The following SRSF4 variants were observed in gnomAD, a reference collection of about 807,000 sequenced individuals.
The protein encoded by SRSF4 is serine/arginine-rich splicing factor 4.
In SRSF4, 12 loss-of-function variants were observed where a neutral mutation model predicts 48.8. The observed-to-expected ratio is 0.25, with a 90% CI of 0.16 to 0.40. SRSF4 has a LOEUF of 0.40. Among genes scored for constraint, SRSF4 ranks in the 10% least tolerant of loss-of-function variants. The pLI is 1.00. For missense variants in SRSF4, 466 were observed against 667.1 expected (o/e 0.70, Z 3.32); for synonymous variants, 248 against 232.5 (o/e 1.07, Z -0.61).
chr1:29,168,056 C>T (rs900763544), intron 1 of SRSF4, among the ~76,000 whole-genome samples: 5 of 150,228 alleles, frequency 3.3e-5, no homozygotes, highest in African/African-American at 1.2e-4. Flanking sequence ...CGCTCTGTCG[C>T]GCAGGCTGCA....
At chr1:29,161,345 T>C (rs1672591806) in intron 1 of SRSF4, among the ~76,000 whole-genome samples, 1 of 152,236 alleles carries the variant, frequency 6.6e-6, no homozygotes, top group Non-Finnish European at 1.5e-5. Context: ...TTTAGTTTGG[T>C]CTGACACAGC....
intron 3 of SRSF4, among the ~76,000 whole-genome samples, chr1:29,156,960 T>C (rs1672510066): frequency 6.6e-6 from 1 of 152,180 alleles, no homozygotes; most frequent in African/African-American, 2.4e-5. Context: ...CAGGCAGTGC[T>C]GAAAGGAAGG....
rs963641541 is a variant in SRSF4, at chr1:29,181,675, C to G, written c.78G>C (p.Gly26=). ...RDVERFFKGY[G]KILEVDLKNG... is the part of the protein sequence containing the mutation. Reference sequence around the variant, plus strand: ...TCTTCAGATCCACCTCCAGGATCTTCCCGTAGCCCTTAAAGAAGCGCTCCA... The same window carrying G: ...TCTTCAGATCCACCTCCAGGATCTTGCCGTAGCCCTTAAAGAAGCGCTCCA... The change falls in exon 1 of 6, where the codon GGG becomes GGC. Residue 26 remains glycine, a synonymous_variant. Transcript: ENST00000373795. 5.0e-6 allele frequency: 8 copies of G among 1,597,384 alleles called. No homozygotes were observed. In the East Asian group the frequency reaches 7.1e-5, roughly 14 times the overall value.
intron 1 of SRSF4, among the ~76,000 whole-genome samples, chr1:29,163,311 T>G (rs1672625556): frequency 1.3e-5 from 2 of 152,156 alleles, no homozygotes; most frequent in Non-Finnish European, 1.5e-5. Flanking sequence ...ACAGAAAAAT[T>G]TTGGCTACTA....
At chr1:29,162,004 C>G (rs1259237676) in intron 1 of SRSF4, among the ~76,000 whole-genome samples, 1 of 152,194 alleles carries the variant, frequency 6.6e-6, no homozygotes, top group East Asian at 1.9e-4. Context: ...AACAGTCTCT[C>G]AAGGTGACAA....
chr1:29,157,990 T>C (rs779296716), intron 3 of SRSF4, among the ~76,000 whole-genome samples: 2 of 152,188 alleles, frequency 1.3e-5, no homozygotes, highest in Middle Eastern at 3.4e-3. Flanking sequence ...CTGGTCAACA[T>C]GGTGAAACCC....
At chr1:29,173,584 G>C (rs943248110) in intron 1 of SRSF4, 1 of 147,354 alleles carries the variant, frequency 6.8e-6, no homozygotes, top group African/African-American at 2.5e-5. Context: ...TAAGTAGCTG[G>C]GATTACAGCA....
intron 1 of SRSF4, among the ~76,000 whole-genome samples, chr1:29,164,090 A>C (rs908850265): frequency 1.3e-5 from 2 of 152,204 alleles, no homozygotes; most frequent in African/African-American, 4.8e-5. Flanking sequence ...GGATCAAGGG[A>C]TCCTGCGGCT....
chr1:29,176,955 C>T (rs1184477911), intron 1 of SRSF4, among the ~76,000 whole-genome samples: 1 of 152,102 alleles, frequency 6.6e-6, no homozygotes, highest in East Asian at 1.9e-4. Context: ...TTTCAATGAT[C>T]TGGGGGTTTA....
intron 3 of SRSF4, among the ~76,000 whole-genome samples, chr1:29,156,092 CA>C (rs1416939240): frequency 1.3e-5 from 2 of 152,134 alleles, no homozygotes; most frequent in Non-Finnish European, 2.9e-5. Flanking sequence ...CAGTGGCTCA[CA>C]CCTGTAATCC....
chr1:29,157,718 C>CT (rs905480122), intron 3 of SRSF4, among the ~76,000 whole-genome samples: 1 of 152,194 alleles, frequency 6.6e-6, no homozygotes, highest in Non-Finnish European at 1.5e-5. Flanking sequence ...CCTAAATACA[C>CT]TTCACTCATT....
At chr1:29,178,376 C>T (rs1450926834) in intron 1 of SRSF4, among the ~76,000 whole-genome samples, 6 of 63,716 alleles carry the variant, frequency 9.4e-5, no homozygotes, top group Admixed American at 3.3e-4. Context: ...GACAGAGTCT[C>T]GCTGTCGCCC....
intron 5 of SRSF4, 36 bp downstream of exon 5, chr1:29,150,067 T>C (rs1672382591): frequency 1.3e-6 from 2 of 1,562,958 alleles, no homozygotes; most frequent in African/African-American, 1.4e-5. Flanking sequence ...AGGCATTCCC[T>C]GCTGACCACC....
intron 4 of SRSF4, chr1:29,154,399 A>G (rs1377720868): frequency 1.3e-5 from 4 of 317,288 alleles, no homozygotes; most frequent in Non-Finnish European, 5.8e-6. Context: ...GTTTCACCAT[A>G]TTGGTCAGGC....
intron 3 of SRSF4, among the ~76,000 whole-genome samples, chr1:29,155,775 G>A (rs1227528582): frequency 1.3e-5 from 2 of 152,184 alleles, no homozygotes; most frequent in East Asian, 3.9e-4. Flanking sequence ...TTATAGGCAT[G>A]GGTCACTGTG....
In SRSF4 at chr1:29,173,926, C is replaced by T. The variant is rs376968888; in HGVS notation, c.107+7720G>A. ...AACTCTTGGTGGGTGCGGTGGCTCA[C>T]GCCTGTAATCCCAGCACTTTGGGAG... On this transcript the variant is annotated intron_variant, in intron 1 of 5. Transcript: ENST00000373795. 3.8e-4 allele frequency among the ~76,000 whole-genome samples: 58 copies of T among 151,634 alleles called. 1 individual carries two copies. In the East Asian group the frequency reaches 8.2e-3, roughly 21 times the overall value.
At chr1:29,175,443 C>T (rs539922799) in intron 1 of SRSF4, among the ~76,000 whole-genome samples, 3 of 151,404 alleles carry the variant, frequency 2.0e-5, no homozygotes, top group African/African-American at 7.3e-5. Flanking sequence ...CGCCTGTAAT[C>T]CCAGCACTTT....
At position 29,148,804 on chromosome 1, in the gene SRSF4, C is replaced by G. The variant is rs778393044; in HGVS notation, c.1091G>C (p.Ser364Thr). The part of the protein sequence containing the change: ...RKGRKRSREE[S>T]RSRSRSRSKS... ...GCTGCGGCTGCGACTGCGACTGCGG[C>G]TCTCCTCTCTGCTTCTCTTCCTGCC... The change falls in exon 6 of 6, where the codon AGC becomes ACC. Residue 364 changes from serine to threonine, a missense_variant. Ser to Thr is a moderately conservative substitution (Grantham distance 58). Around this residue, in one of 2 missense-constraint regions of SRSF4, gnomAD observed 402 missense variants for 437.0 expected, o/e 0.92. Coordinates refer to ENST00000373795, the MANE Select transcript of SRSF4 (RefSeq NM_005626.5). 1.2e-6 allele frequency: 2 copies of G among 1,610,358 alleles called. No individual in the cohort carries two copies. The highest frequency in any genetic ancestry group is 1.7e-6 in the Non-Finnish European group (2 of 1,177,550).
chr1:29,161,398 C>G (rs531792099), intron 1 of SRSF4, among the ~76,000 whole-genome samples: 75 of 151,962 alleles, frequency 4.9e-4, no homozygotes, highest in African/African-American at 1.7e-3. Context: ...TATTTAAAAA[C>G]CAAAACCATC....
Sources: allele counts gnomAD v4.1 joint callset (sites outside exome capture counted in the v4.1 genomes callset), GRCh38; gene constraint gnomAD v4.1.1; regional missense constraint gnomAD v4.1.1; transcripts MANE v1.5; gene names NCBI Gene and HGNC (gene_info 2026-07-23, HGNC 2026-07-21).